The following S100B variants were observed in gnomAD, a reference collection of about 807,000 sequenced individuals.
S100B encodes the protein S100 calcium binding protein B, also known as protein S100-B.
Under a neutral mutation model 7.7 loss-of-function variants are expected in S100B, and 6 were observed. The ratio of observed to expected loss-of-function variants is 0.78; its 90% CI spans 0.43 to 1.54. The LOEUF (loss-of-function observed/expected upper bound fraction) is 1.54, where lower values mean the gene tolerates loss of function less well. Ranked by LOEUF, S100B falls within the 40% of genes most tolerant of loss-of-function variation. S100B has a pLI of 0.01. For synonymous variants in S100B, 36 were observed against 40.4 expected, an observed-to-expected ratio of 0.89 and a Z score of 0.41; for missense variants, 99 against 111.8, an observed-to-expected ratio of 0.89 and a Z score of 0.52.
chr21:46,602,732 G>C, intron 1 of S100B: 1 of 236,840 alleles, frequency 4.2e-6, no homozygotes, highest in Non-Finnish European at 8.3e-6. Flanking sequence ...CAGAGGCAGA[G>C]CAGCAAGGGA....
At position 46,602,350 on chromosome 21, in the gene S100B, C is replaced by T; in HGVS notation, c.66G>A (p.Glu22=). 6.2e-7 allele frequency: 1 copy of T among 1,614,032 alleles called. No homozygotes were observed. Residue 22 remains glutamate (E), a synonymous_variant, in exon 2 of 3, where the codon GAG becomes GAA. Transcript: ENST00000291700. ...IDVFHQYSGR[E]GDKHKLKKSE... is the part of the protein sequence containing the mutation. ...ATTTCTTCAGCTTGTGCTTGTCTCC[C>T]TCCCTTCCAGAATATTGGTGGAAAA...
intron 1 of S100B, chr21:46,602,785 C>T (rs1333459962): frequency 1.7e-5 from 3 of 172,246 alleles, no homozygotes; most frequent in South Asian, 3.1e-4. Flanking sequence ...CACAGGGTCC[C>T]TCTCTGTTCC....
chr21:46,601,081 G>A (rs990441808), intron 2 of S100B, among the ~76,000 whole-genome samples: 1 of 152,192 alleles, frequency 6.6e-6, no homozygotes, highest in Non-Finnish European at 1.5e-5. Flanking sequence ...GTGGGGCAGT[G>A]TTTGGTGGGA....
rs1389562968 is a variant in S100B, at chr21:46,599,434, C to CA, written c.207dup (p.Asp70Ter). 4 of 1,613,726 alleles carry CA rather than the reference C, an allele frequency of 2.5e-6. No homozygotes were observed. The highest frequency in any genetic ancestry group is 3.4e-6 in the Non-Finnish European group (4 of 1,179,738). On this transcript the variant is annotated frameshift_variant, in exon 3 of 3. Coordinates refer to ENST00000291700, the MANE Select transcript of S100B (RefSeq NM_006272.3). LOFTEE classifies it high-confidence loss of function. ...ACAAAGGCCATGAATTCCTGGAAGT[C>CA]ACATTCGCCGTCTCCATCATTGTCC...
intron 2 of S100B, 56 bp downstream of exon 2, chr21:46,602,222 C>G (rs2061043070): frequency 1.3e-6 from 2 of 1,502,434 alleles, no homozygotes. Flanking sequence ...AGCCAGTGTA[C>G]AGATGGATTT....
chr21:46,601,280 G>A (rs1448576650), intron 2 of S100B, among the ~76,000 whole-genome samples: 1 of 152,212 alleles, frequency 6.6e-6, no homozygotes, highest in African/African-American at 2.4e-5. Flanking sequence ...TGAGACACTA[G>A]TGCGCTGGCT....
rs1453690095 is a variant in S100B at position 46,599,306 on chromosome 21, G to A, written c.*57C>T. ...TCCTACTAGGCTGCAAGCCCTTGCT[G>A]TCTGCTTTCTTGCATGACCGTCTCT... On this transcript the variant is annotated 3_prime_UTR_variant, in exon 3 of 3. Transcript: ENST00000291700. 10 of 1,541,562 alleles carry A rather than the reference G, an allele frequency of 6.5e-6. No individual in the cohort carries two copies. The highest frequency in any genetic ancestry group is 3.4e-5 in the South Asian group (3 of 87,018).
chr21:46,604,427 T>C (rs2061051794), intron 1 of S100B, among the ~76,000 whole-genome samples: 1 of 152,128 alleles, frequency 6.6e-6, no homozygotes, highest in Admixed American at 6.5e-5. Context: ...ACTGTGAGAC[T>C]GAGGAAAGTT....
chr21:46,599,617 C>T, intron 2 of S100B, 114 bp from the exon 3 acceptor site: 1 of 927,144 alleles, frequency 1.1e-6, no homozygotes, highest in Non-Finnish European at 1.7e-6. Flanking sequence ...AACCTAAGAA[C>T]ATCAAATGCA....
chr21:46,600,429 C>T (rs1427927222), intron 2 of S100B: 3 of 409,704 alleles, frequency 7.3e-6, no homozygotes, highest in South Asian at 1.8e-5. Flanking sequence ...GCCCGTATTC[C>T]CAGCTACTCA....
chr21:46,598,724 C>T lies in S100B; in HGVS notation c.*639G>A, dbSNP rs2061032863. On this transcript the variant is annotated 3_prime_UTR_variant, in exon 3 of 3. Coordinates refer to ENST00000291700, the MANE Select transcript of S100B (RefSeq NM_006272.3). Reference sequence around the variant, plus strand: ...GGAGGCAAGGATCCTGCAGCCGCGACTTGAATCGCATGGGTCACGGAGGCC... The same window carrying T: ...GGAGGCAAGGATCCTGCAGCCGCGATTTGAATCGCATGGGTCACGGAGGCC... 6.6e-6 allele frequency among the ~76,000 whole-genome samples: 1 copy of T among 152,242 alleles called. No homozygotes were observed. Among genetic ancestry groups the T allele is most frequent in the African/African-American group, 2.4e-5 (1 of 41,476 alleles).
intron 2 of S100B, 91 bp from the exon 3 acceptor site, chr21:46,599,594 T>A: frequency 1.7e-6 from 2 of 1,152,080 alleles, no homozygotes; most frequent in Non-Finnish European, 2.6e-6. Context: ...CTCTGATAAT[T>A]TGTGTCCGAA....
chr21:46,603,631 G>A (rs1047022393), intron 1 of S100B, among the ~76,000 whole-genome samples: 4 of 152,080 alleles, frequency 2.6e-5, no homozygotes, highest in Non-Finnish European at 5.9e-5. Flanking sequence ...GAACGTTTGC[G>A]CTGTCATAAT....
At chr21:46,603,398 T>TGGGGGGGGGGGGGGGGGGGGGGGGGGGG in intron 1 of S100B, among the ~76,000 whole-genome samples, 1 of 52,068 alleles carries the variant, frequency 1.9e-5, no homozygotes, top group Admixed American at 2.2e-4. Context: ...CGGGAGGGGG[T>TGGGGGGGGGGGGGGGGGGGGGGGGGGGG]GGGGGCAGGA....
At position 46,602,381 on chromosome 21, in the gene S100B, A is replaced by G. The variant is rs563644968; in HGVS notation, c.35T>C (p.Ile12Thr). The G allele has an allele frequency of 3.3e-5, 53 of 1,614,172 alleles. No individual in the cohort carries two copies. In the South Asian group the frequency reaches 4.9e-4, roughly 15 times the overall value. The change falls in exon 2 of 3, where the codon ATC becomes ACC. Residue 12 changes from isoleucine to threonine, a missense_variant. Coordinates refer to ENST00000291700, the MANE Select transcript of S100B (RefSeq NM_006272.3). ...SELEKAMVAL[I>T]DVFHQYSGRE... The stretch of plus-strand genomic sequence containing the variant: ...TCCAGAATATTGGTGGAAAACGTCG[A>G]TGAGGGCCACCATGGCCTTCTCCAG...
rs559226348 is a variant in S100B, at chr21:46,600,845, G to A, written c.139-1342C>T. 3.7e-4 allele frequency among the ~76,000 whole-genome samples: 56 copies of A among 152,242 alleles called. 1 individual carries two copies. Among genetic ancestry groups the A allele is most frequent in the Admixed American group, 3.5e-3 (53 of 15,306 alleles). The stretch of plus-strand genomic sequence containing the variant: ...CTTTCACTATATGTTAAGCACTTAA[G>A]CACTGTCCCGCTTCACCCTCACAAC... On this transcript the variant is annotated intron_variant, in intron 2 of 2. Coordinates refer to ENST00000291700, the MANE Select transcript of S100B (RefSeq NM_006272.3).
chr21:46,603,961 A>G (rs1019663678), intron 1 of S100B, among the ~76,000 whole-genome samples: 1 of 152,158 alleles, frequency 6.6e-6, no homozygotes, highest in Non-Finnish European at 1.5e-5. Context: ...GCATGTTTGT[A>G]TGTGTGTGTA....
rs1569136789 is a variant in S100B, at chr21:46,599,474, T to G, written c.168A>C (p.Lys56Asn). ...EEIKEQEVVD[K>N]VMETLDNDGD... The stretch of plus-strand genomic sequence containing the variant: ...CATCATTGTCCAGTGTTTCCATGAC[T>G]TTGTCCACAACCTCCTGCTCTTTGA... Residue 56 changes from lysine to asparagine, a missense_variant, in exon 3 of 3, where the codon AAA (lysine) becomes AAC (asparagine). By Grantham distance (94) the Lys-to-Asn change is moderately conservative. Transcript: ENST00000291700. The G allele has an allele frequency of 2.5e-6, 4 of 1,614,130 alleles. No individual in the cohort carries two copies. The highest frequency in any genetic ancestry group is 3.4e-6 in the Non-Finnish European group (4 of 1,179,944).
chr21:46,599,457 T>C lies in S100B; in HGVS notation c.185A>G (p.Asp62Gly), dbSNP rs769130357. 9.3e-6 allele frequency: 15 copies of C among 1,613,882 alleles called. No homozygotes were observed. The highest frequency in any genetic ancestry group is 1.3e-5 in the Non-Finnish European group (15 of 1,179,832). Reference sequence around the variant, plus strand: ...GTCACATTCGCCGTCTCCATCATTGTCCAGTGTTTCCATGACTTTGTCCAC... The same window carrying C: ...GTCACATTCGCCGTCTCCATCATTGCCCAGTGTTTCCATGACTTTGTCCAC... ...EVVDKVMETL[D>G]NDGDGECDFQ... Residue 62 changes from aspartate (D) to glycine (G), a missense_variant, in exon 3 of 3, where the codon GAC (aspartate) becomes GGC (glycine). Asp to Gly is a moderately conservative substitution (Grantham distance 94, BLOSUM62 -1). Coordinates refer to ENST00000291700, the MANE Select transcript of S100B (RefSeq NM_006272.3).
Sources: gnomAD v4.1 joint callset for allele counts (sites outside exome capture counted in the v4.1 genomes callset) on GRCh38, gnomAD v4.1.1 for gene constraint, MANE v1.5 for transcripts, NCBI Gene and HGNC (gene_info 2026-07-23, HGNC 2026-07-21) for gene names.